KIAA1217: variants seen among roughly 807,000 people sequenced by gnomAD.
KIAA1217 encodes the protein sickle tail protein homolog.
Under a neutral mutation model 163.9 loss-of-function variants are expected in KIAA1217, and 88 were observed. That is an observed-to-expected ratio of 0.54 (90% CI 0.45 to 0.64). The LOEUF (loss-of-function observed/expected upper bound fraction) is 0.64, where lower values mean the gene tolerates loss of function less well. Ranked by LOEUF, KIAA1217 falls within the 30% of genes least tolerant of loss-of-function variation. The pLI is 0.00. For synonymous variants in KIAA1217, 903 were observed against 923.1 expected (o/e 0.98, Z 0.39); for missense variants, 2,372 against 2,475.0 (o/e 0.96, Z 0.88).
At chr10:23,973,556 C>T (rs2131397029) in intron 1 of KIAA1217, among the ~76,000 whole-genome samples, 1 of 152,324 alleles carries the variant, frequency 6.6e-6, no homozygotes, top group South Asian at 2.1e-4. Context: ...AAGCATCATA[C>T]ATTAGAGAAC....
intron 2 of KIAA1217, among the ~76,000 whole-genome samples, chr10:24,246,650 A>G (rs1564335867): frequency 6.6e-6 from 1 of 152,040 alleles, no homozygotes; most frequent in Non-Finnish European, 1.5e-5. Context: ...TTATTATTTT[A>G]TTTTCTAACA....
intron 2 of KIAA1217, among the ~76,000 whole-genome samples, chr10:24,224,770 C>G (rs953558828): frequency 2.0e-5 from 3 of 150,780 alleles, no homozygotes; most frequent in Non-Finnish European, 3.0e-5. Context: ...TTTAGTGTCC[C>G]AAAGAAGAGT....
At chr10:24,303,754 G>C (rs1320005120) in intron 2 of KIAA1217, among the ~76,000 whole-genome samples, 1 of 152,152 alleles carries the variant, frequency 6.6e-6, no homozygotes, top group Non-Finnish European at 1.5e-5. Context: ...CTGAGTCCTT[G>C]AATTCAAGGT....
chr10:23,927,483 G>A (rs77787828), intron 1 of KIAA1217, among the ~76,000 whole-genome samples: 7,536 of 152,082 alleles, frequency 0.05, 593 homozygotes, highest in African/African-American at 0.17. Context: ...GTAAATCAGA[G>A]GTAGATTTTG....
At chr10:24,156,338 G>T (rs887582320) in intron 2 of KIAA1217, among the ~76,000 whole-genome samples, 1 of 151,950 alleles carries the variant, frequency 6.6e-6, no homozygotes, top group African/African-American at 2.4e-5. Context: ...CTATTGTTTG[G>T]ATATGCCATG....
At chr10:23,741,400 G>A (rs1391012803) in intron 1 of KIAA1217, among the ~76,000 whole-genome samples, 14 of 151,278 alleles carry the variant, frequency 9.3e-5, no homozygotes, top group African/African-American at 2.4e-5. Context: ...TTTTTTTTCT[G>A]CTTATGCCTT....
chr10:23,973,028 T>C (rs1281047709), intron 1 of KIAA1217, among the ~76,000 whole-genome samples: 4 of 152,192 alleles, frequency 2.6e-5, no homozygotes, highest in African/African-American at 9.7e-5. Flanking sequence ...GTCACACATA[T>C]ACCTATGTAG....
chr10:23,922,639 G>C (rs895425556), intron 1 of KIAA1217, among the ~76,000 whole-genome samples: 9 of 152,044 alleles, frequency 5.9e-5, no homozygotes, highest in Non-Finnish European at 1.2e-4. Context: ...AGAACTCCTG[G>C]GTATGGAAAA....
chr10:23,746,171 T>C (rs1370256985), intron 1 of KIAA1217, among the ~76,000 whole-genome samples: 1 of 152,144 alleles, frequency 6.6e-6, no homozygotes, highest in Non-Finnish European at 1.5e-5. Context: ...GAGTAAGTTC[T>C]TCTATTAGTT....
intron 2 of KIAA1217, among the ~76,000 whole-genome samples, chr10:24,259,376 G>A (rs1403302773): frequency 6.6e-6 from 1 of 152,152 alleles, no homozygotes; most frequent in Non-Finnish European, 1.5e-5. Context: ...GCTTTGGGAG[G>A]CTGAGACAGG....
intron 2 of KIAA1217, among the ~76,000 whole-genome samples, chr10:24,063,555 G>A (rs2060817193): frequency 6.6e-6 from 1 of 152,212 alleles, no homozygotes; most frequent in African/African-American, 2.4e-5. Context: ...TTGTAGTATA[G>A]TTTGAAGTTA....
At chr10:24,499,276 A>G (rs181879286) in intron 8 of KIAA1217, among the ~76,000 whole-genome samples, 2 of 152,338 alleles carry the variant, frequency 1.3e-5, no homozygotes, top group African/African-American at 2.4e-5. Flanking sequence ...ATGTTATCAG[A>G]TATGTTTTAC....
intron 2 of KIAA1217, among the ~76,000 whole-genome samples, chr10:24,380,344 G>T (rs372500176): frequency 9.2e-5 from 14 of 152,222 alleles, no homozygotes; most frequent in South Asian, 8.3e-4. Flanking sequence ...TCTTAATGGA[G>T]ACCAGGTGCA....
At chr10:24,071,498 A>T (rs542271187) in intron 2 of KIAA1217, among the ~76,000 whole-genome samples, 2 of 152,292 alleles carry the variant, frequency 1.3e-5, no homozygotes, top group East Asian at 3.9e-4. Flanking sequence ...GTTAATTTAA[A>T]AAAAAAAGAA....
rs144290458 is a variant in KIAA1217 at position 24,461,191 on chromosome 10, G to A, written c.847-12037G>A. ...AACATCAATTCATTGTTTCAGTTTA[G>A]GTATATCATATCATCAAACTAAAAT... On this transcript the variant is annotated intron_variant, in intron 5 of 20. Coordinates refer to ENST00000376454, the MANE Select transcript of KIAA1217 (RefSeq NM_019590.5). Among the ~76,000 whole-genome samples, 267 of 152,040 alleles carry A rather than the reference G, an allele frequency of 1.8e-3. 1 individual carries two copies. Among genetic ancestry groups the A allele is most frequent in the African/African-American group, 6.3e-3 (261 of 41,482 alleles).
At chr10:24,355,340 A>G (rs1197922996) in intron 2 of KIAA1217, among the ~76,000 whole-genome samples, 4 of 152,192 alleles carry the variant, frequency 2.6e-5, no homozygotes. Flanking sequence ...GGCTTAAATG[A>G]CAGGGATTTA....
chr10:24,333,690 T>A (rs1434025865), intron 2 of KIAA1217, among the ~76,000 whole-genome samples: 1 of 152,164 alleles, frequency 6.6e-6, no homozygotes, highest in Admixed American at 6.5e-5. Flanking sequence ...ACAAAGCACG[T>A]TGTTTTAAGC....
intron 2 of KIAA1217, among the ~76,000 whole-genome samples, chr10:24,258,704 T>C (rs2075418601): frequency 1.3e-5 from 2 of 151,898 alleles, no homozygotes; most frequent in African/African-American, 4.8e-5. Flanking sequence ...GCCATTCTCC[T>C]GCCTCACCCT....
At chr10:24,421,543 GGATGCAGTGACAGCA>G (rs1420484918) in intron 3 of KIAA1217, among the ~76,000 whole-genome samples, 6 of 152,036 alleles carry the variant, frequency 3.9e-5, no homozygotes, top group African/African-American at 1.2e-4. Flanking sequence ...TGAGTTCTTA[GGATGCAGTGACAGCA>G]AAAATTCCAA....
Sources: gnomAD v4.1 joint callset for allele counts (sites outside exome capture counted in the v4.1 genomes callset) on GRCh38, gnomAD v4.1.1 for gene constraint, MANE v1.5 for transcripts, NCBI Gene and HGNC (gene_info 2026-07-23, HGNC 2026-07-21) for gene names.